The following ACCSL variants were observed in gnomAD, a reference collection of about 807,000 sequenced individuals.
The protein encoded by ACCSL is probable inactive 1-aminocyclopropane-1-carboxylate synthase-like protein 2.
Under a neutral mutation model 61.7 loss-of-function variants are expected in ACCSL, and 55 were observed. That is an observed-to-expected ratio of 0.89 (90% CI 0.72 to 1.12). The LOEUF (loss-of-function observed/expected upper bound fraction) is 1.12. Ranked by LOEUF, ACCSL falls within the 50% of genes most tolerant of loss-of-function variation. ACCSL has a pLI of 0.00. For missense variants in ACCSL, 632 were observed against 698.0 expected (o/e 0.91, Z 1.07); for synonymous variants, 258 against 264.3 (o/e 0.98, Z 0.23).
At chr11:43,985,803 TG>T in the ACCSL span, among the ~76,000 whole-genome samples, 2 of 152,128 alleles carry the variant, frequency 1.3e-5, no homozygotes, top group African/African-American at 4.8e-5. Context: ...GCCTGTACTT[TG>T]GGCCGGCGGA....
At chr11:43,996,067 T>A in the ACCSL span, among the ~76,000 whole-genome samples, 1 of 152,148 alleles carries the variant, frequency 6.6e-6, no homozygotes, top group Non-Finnish European at 1.5e-5. Context: ...GGAAGAACGC[T>A]GTTTACAAGC....
At chr11:43,959,400 C>A in the ACCSL span, among the ~76,000 whole-genome samples, 1 of 152,214 alleles carries the variant, frequency 6.6e-6, no homozygotes, top group South Asian at 2.1e-4. Context: ...CTGCTAGCTG[C>A]GAGAGAAATT....
At chr11:44,009,410 A>C in the ACCSL span, among the ~76,000 whole-genome samples, 1 of 152,302 alleles carries the variant, frequency 6.6e-6, no homozygotes, top group South Asian at 2.1e-4. Context: ...CAGAGTTGGA[A>C]GAGAAATGCC....
chr11:43,979,499 C>T, the ACCSL span, among the ~76,000 whole-genome samples: 1 of 152,136 alleles, frequency 6.6e-6, no homozygotes. Context: ...TTTAGACCAC[C>T]TAAGGTGTCC....
At chr11:43,946,783 G>A in the ACCSL span, among the ~76,000 whole-genome samples, 8 of 152,164 alleles carry the variant, frequency 5.3e-5, no homozygotes, top group African/African-American at 1.9e-4. Context: ...AAGGGTTGAT[G>A]TGGAGAGAAG....
At position 44,053,035 on chromosome 11, in the gene ACCSL, G is replaced by C; in HGVS notation, c.915G>C (p.Lys305Asn). Residue 305 changes from lysine to asparagine, a missense_variant, in exon 7 of 14, where the codon AAG (lysine) becomes AAC (asparagine). Physicochemically the swap from Lys to Asn is moderately conservative, Grantham distance 94. Transcript: ENST00000378832. ...NTHPFQLTVD[K>N]LEEALLEARL... ...ATCCTTTCCAGCTCACTGTGGACAA[G>C]TTAGAGGAAGCCCTGCTTGAAGCTA... The C allele has an allele frequency of 1.9e-6, 3 of 1,614,220 alleles. No individual in the cohort carries two copies. Among genetic ancestry groups the C allele is most frequent in the Non-Finnish European group, 2.5e-6 (3 of 1,180,034 alleles).
chr11:44,029,974 A>ATTTTATTTTT, the ACCSL span, among the ~76,000 whole-genome samples: 1 of 27,016 alleles, frequency 3.7e-5, no homozygotes, highest in Non-Finnish European at 7.5e-5. Flanking sequence ...CCTTGTTTTT[A>ATTTTATTTTT]TTTTATTTTA....
the ACCSL span, among the ~76,000 whole-genome samples, chr11:44,036,638 C>T: frequency 6.6e-6 from 1 of 152,046 alleles, no homozygotes; most frequent in Non-Finnish European, 1.5e-5. Flanking sequence ...AAAAATTACC[C>T]ATGTGTGGTG....
intron 8 of ACCSL, 108 bp from the exon 9 acceptor site, chr11:44,055,094 C>A: frequency 6.4e-6 from 5 of 775,908 alleles, no homozygotes; most frequent in Non-Finnish European, 1.0e-5. Context: ...CCAGAGAACA[C>A]CATAAAAGAC....
At chr11:43,949,961 T>A in the ACCSL span, among the ~76,000 whole-genome samples, 1 of 152,232 alleles carries the variant, frequency 6.6e-6, no homozygotes, top group East Asian at 1.9e-4. Flanking sequence ...ATTGGCAATG[T>A]GAGCTGATAG....
At chr11:44,013,491 C>T in the ACCSL span, among the ~76,000 whole-genome samples, 2 of 152,142 alleles carry the variant, frequency 1.3e-5, no homozygotes, top group African/African-American at 4.8e-5. Flanking sequence ...GGGGCGCTTG[C>T]CATGTTGGCC....
At chr11:43,933,112 A>G in the ACCSL span, 1 of 456,238 alleles carries the variant, frequency 2.2e-6, no homozygotes, top group East Asian at 6.9e-5. Flanking sequence ...TCTGCTTCCA[A>G]GGGAGAGACT....
the ACCSL span, among the ~76,000 whole-genome samples, chr11:43,936,064 C>T: frequency 6.6e-6 from 1 of 152,228 alleles, no homozygotes; most frequent in Non-Finnish European, 1.5e-5. Flanking sequence ...CCACCCTTTG[C>T]ATCTTGGCTG....
Position 44,059,854 on chromosome 11 carries a change from T to C in ACCSL, c.1641T>C (p.Cys547=). 2 of 1,613,704 alleles carry C rather than the reference T, an allele frequency of 1.2e-6. No homozygotes were observed. Among genetic ancestry groups the C allele is most frequent in the Admixed American group, 1.7e-5 (1 of 60,002 alleles). ...PRLKLAMRRF[C]DVLQEQKEAL... is the part of the protein sequence containing the mutation. ...ACCCTCTAGCTATGCGTCGGTTCTG[T>C]GATGTGCTGCAGGAGCAGAAGGAGG... The change falls in exon 14 of 14, where the codon TGT becomes TGC. Residue 547 remains cysteine, a synonymous_variant. Transcript: ENST00000378832.
chr11:44,024,441 C>CTCTG, the ACCSL span, among the ~76,000 whole-genome samples: 87 of 132,090 alleles, frequency 6.6e-4, 2 homozygotes, highest in East Asian at 3.8e-3. Context: ...CTCTCTCTCT[C>CTCTG]TGTGTGTGTG....
At chr11:44,052,072 G>T (rs2134769470) in intron 5 of ACCSL, among the ~76,000 whole-genome samples, 1 of 152,322 alleles carries the variant, frequency 6.6e-6, no homozygotes, top group South Asian at 2.1e-4. Context: ...TCAGAAAAAG[G>T]CTAATTAGTC....
the ACCSL span, among the ~76,000 whole-genome samples, chr11:43,978,638 C>T: frequency 6.6e-6 from 1 of 152,046 alleles, no homozygotes; most frequent in Non-Finnish European, 1.5e-5. Flanking sequence ...GTATTTCTCC[C>T]ATCTTCCCAT....
the ACCSL span, among the ~76,000 whole-genome samples, chr11:43,960,150 G>A: frequency 6.6e-6 from 1 of 152,124 alleles, no homozygotes; most frequent in African/African-American, 2.4e-5. Flanking sequence ...GCACCCAGGA[G>A]ACTGCTATCC....
At chr11:44,046,898 G>A (rs761360170), upstream of ACCSL, among the ~76,000 whole-genome samples, 22 of 151,950 alleles carry the variant, frequency 1.4e-4, no homozygotes, top group Non-Finnish European at 2.2e-4. Context: ...TTTTGGTCTC[G>A]TTCAGTATTT....
Sources: allele counts gnomAD v4.1 joint callset (sites outside exome capture counted in the v4.1 genomes callset), GRCh38; gene constraint gnomAD v4.1.1; transcripts MANE v1.5; gene names NCBI Gene and HGNC (gene_info 2026-07-23, HGNC 2026-07-21).